The following CNTLN variants were observed in gnomAD, a reference collection of about 807,000 sequenced individuals.
The protein encoded by CNTLN is centlein, centrosomal protein.
In CNTLN, 212 loss-of-function variants were observed where a neutral mutation model predicts 180.0. That is an observed-to-expected ratio of 1.18 (90% confidence interval 1.05 to 1.32). CNTLN has a LOEUF of 1.32. Among genes scored for constraint, CNTLN ranks in the 40% most tolerant of loss-of-function variants. The pLI, the probability that CNTLN is intolerant of heterozygous loss-of-function variation, is 0.00. For synonymous variants in CNTLN, 722 were observed against 563.1 expected, an observed-to-expected ratio of 1.28 and a Z score of -3.99; for missense variants, 2,095 against 1,610.9, an observed-to-expected ratio of 1.30 and a Z score of -5.14.
the CNTLN span, among the ~76,000 whole-genome samples, chr9:17,511,497 T>G: frequency 6.6e-6 from 1 of 152,218 alleles, no homozygotes; most frequent in Non-Finnish European, 1.5e-5. Context: ...CTCTTCCATA[T>G]GGCTGTTGGC....
At chr9:17,528,469 T>TA in the CNTLN span, among the ~76,000 whole-genome samples, 1 of 152,168 alleles carries the variant, frequency 6.6e-6, no homozygotes, top group Non-Finnish European at 1.5e-5. Context: ...TCAAAACTGT[T>TA]ATGCTCATCA....
intron 2 of CNTLN, among the ~76,000 whole-genome samples, chr9:17,212,120 C>A (rs1823362981): frequency 1.3e-5 from 2 of 152,230 alleles, no homozygotes; most frequent in African/African-American, 4.8e-5. Context: ...AGAGGGCATC[C>A]CTGTCTTGTG....
rs1820178780 is a variant in CNTLN, at chr9:17,325,152, A to G, written c.1342-5480A>G. ...TATTATAACACTATTTTGATTTACAATATTATGTTAAATTGATATTCTTTT... is the reference window on the plus strand; with the variant it reads ...TATTATAACACTATTTTGATTTACAGTATTATGTTAAATTGATATTCTTTT... On this transcript the variant is annotated intron_variant, in intron 8 of 25. Transcript: ENST00000380647. Among the ~76,000 whole-genome samples the G allele has an allele frequency of 3.7e-5, 5 of 136,508 alleles. No homozygotes were observed. In the South Asian group the frequency reaches 1.1e-3, roughly 31 times the overall value. The allele number at this position is 136,508 out of a possible 152,430, so 89.6% of individuals were successfully genotyped here.
chr9:17,330,689 G>GAA lies in CNTLN; in HGVS notation c.1401_1402dup (p.Ile468LysfsTer9). 1 of 1,611,650 alleles carries GAA rather than the reference G, an allele frequency of 6.2e-7. No homozygotes were observed. The highest frequency in any genetic ancestry group is 8.5e-7 in the Non-Finnish European group (1 of 1,178,510). ...AACGTTAATGGTTTCACAGAAGTCT[G>GAA]AAATTGAGTATTTACAGGAGAAACT... On this transcript the variant is annotated frameshift_variant, in exon 9 of 26. Transcript: ENST00000380647. LOFTEE classifies it high-confidence loss of function.
At chr9:17,265,121 T>G (rs567109650) in intron 5 of CNTLN, among the ~76,000 whole-genome samples, 10 of 148,894 alleles carry the variant, frequency 6.7e-5, no homozygotes, top group African/African-American at 2.5e-4. Context: ...CTTGTGCCAG[T>G]TTTCAAAGGG....
At chr9:17,385,003 G>C (rs770006761) in intron 13 of CNTLN, among the ~76,000 whole-genome samples, 1 of 152,158 alleles carries the variant, frequency 6.6e-6, no homozygotes, top group Admixed American at 6.5e-5. Context: ...CTGTATTTCT[G>C]ACCAACTGAG....
At chr9:17,223,732 T>C (rs533130799) in intron 2 of CNTLN, among the ~76,000 whole-genome samples, 4 of 152,148 alleles carry the variant, frequency 2.6e-5, no homozygotes, top group South Asian at 2.1e-4. Context: ...CCACCAGCCA[T>C]TGATACTCTT....
At chr9:17,426,980 CT>C (rs1829126266) in intron 18 of CNTLN, among the ~76,000 whole-genome samples, 1 of 152,128 alleles carries the variant, frequency 6.6e-6, no homozygotes, top group Non-Finnish European at 1.5e-5. Flanking sequence ...GTAGAGATAA[CT>C]GAGAATTTTT....
At chr9:17,274,665 T>C (rs1161311632) in intron 6 of CNTLN, among the ~76,000 whole-genome samples, 2 of 152,120 alleles carry the variant, frequency 1.3e-5, no homozygotes, top group African/African-American at 2.4e-5. Flanking sequence ...GTATAATTTA[T>C]TTTAATTTAA....
chr9:17,476,946 G>T (rs1172583540), intron 23 of CNTLN, among the ~76,000 whole-genome samples: 6 of 152,204 alleles, frequency 3.9e-5, no homozygotes, highest in Non-Finnish European at 7.3e-5. Flanking sequence ...AGAAGTCAAT[G>T]CCTGGCTTCA....
chr9:17,317,625 A>G (rs1406144884), intron 8 of CNTLN, among the ~76,000 whole-genome samples: 1 of 152,188 alleles, frequency 6.6e-6, no homozygotes, highest in Non-Finnish European at 1.5e-5. Context: ...ATGGAGCATG[A>G]TGGAGAGTGA....
intron 5 of CNTLN, among the ~76,000 whole-genome samples, chr9:17,259,880 T>G (rs10962954): frequency 0.34 from 40,059 of 118,378 alleles, 10,271 homozygotes; most frequent in South Asian, 0.61. Flanking sequence ...TTCTTTATTA[T>G]TCTTGCTAGC....
chr9:17,450,098 C>T (rs1830696426), intron 18 of CNTLN, among the ~76,000 whole-genome samples: 1 of 152,158 alleles, frequency 6.6e-6, no homozygotes, highest in South Asian at 2.1e-4. Context: ...ATCTCTTATC[C>T]ATATGCAGAT....
At chr9:17,414,613 A>G (rs1226639220) in intron 16 of CNTLN, among the ~76,000 whole-genome samples, 2 of 152,202 alleles carry the variant, frequency 1.3e-5, no homozygotes, top group Non-Finnish European at 2.9e-5. Context: ...TTAGGGTTTT[A>G]TATTTCTGAA....
At chr9:17,422,363 T>G (rs1328196861) in intron 18 of CNTLN, among the ~76,000 whole-genome samples, 1 of 152,150 alleles carries the variant, frequency 6.6e-6, no homozygotes, top group Non-Finnish European at 1.5e-5. Flanking sequence ...GGTAGTCTTC[T>G]TTGGGTTAAA....
intron 19 of CNTLN, 37 bp from the exon 20 acceptor site, chr9:17,462,879 T>C (rs1414734467): frequency 1.7e-6 from 2 of 1,163,242 alleles, no homozygotes; most frequent in East Asian, 5.4e-5. Flanking sequence ...ACCAAGGTTG[T>C]AAGGTATATT....
At chr9:17,178,409 C>T (rs1166573608) in intron 2 of CNTLN, among the ~76,000 whole-genome samples, 2 of 152,236 alleles carry the variant, frequency 1.3e-5, no homozygotes, top group Non-Finnish European at 2.9e-5. Flanking sequence ...TGCCCTGTGC[C>T]CGCACTCCTC....
At chr9:17,199,011 G>A (rs1341518157) in intron 2 of CNTLN, among the ~76,000 whole-genome samples, 3 of 152,006 alleles carry the variant, frequency 2.0e-5, no homozygotes, top group Non-Finnish European at 4.4e-5. Flanking sequence ...TGTCTTTATA[G>A]TAGAAGGATT....
intron 12 of CNTLN, 56 bp downstream of exon 12, chr9:17,342,500 TC>T (rs1821563039): frequency 6.7e-7 from 1 of 1,490,710 alleles, no homozygotes; most frequent in African/African-American, 1.4e-5. Flanking sequence ...AGAAATTTTT[TC>T]ATGGCTTAAA....
Sources: allele counts gnomAD v4.1 joint callset (sites outside exome capture counted in the v4.1 genomes callset), GRCh38; gene constraint gnomAD v4.1.1; transcripts MANE v1.5; gene names NCBI Gene and HGNC (gene_info 2026-07-23, HGNC 2026-07-21).